Variants in STK32A observed in about 807,000 individuals in gnomAD.
The protein encoded by STK32A is serine/threonine-protein kinase 32A.
Under a neutral mutation model 53.2 loss-of-function variants are expected in STK32A, and 41 were observed. The ratio of observed to expected loss-of-function variants is 0.77; its 90% confidence interval spans 0.60 to 1.00. STK32A has a LOEUF of 1.00. Ranked by LOEUF, STK32A falls within the 50% of genes least tolerant of loss-of-function variation. The pLI is 0.00. For missense variants in STK32A, 458 were observed against 485.8 expected (o/e 0.94, Z 0.54); for synonymous variants, 166 against 162.8 (o/e 1.02, Z -0.15).
chr5:147,380,062 C>G (rs897991598), intron 11 of STK32A, among the ~76,000 whole-genome samples: 1 of 151,992 alleles, frequency 6.6e-6, no homozygotes, highest in African/African-American at 2.4e-5. Context: ...ACTAAAAGGT[C>G]ATCTGCAAGT....
chr5:147,383,178 A>G (rs1408130992), intron 11 of STK32A: 2 of 460,248 alleles, frequency 4.3e-6, no homozygotes, highest in Admixed American at 8.9e-5. Context: ...CAAGCTTTCA[A>G]TAGACTCCAG....
chr5:147,250,396 C>T (rs1753935007), intron 2 of STK32A, among the ~76,000 whole-genome samples: 1 of 152,022 alleles, frequency 6.6e-6, no homozygotes, highest in Non-Finnish European at 1.5e-5. Flanking sequence ...AAGAGGAATC[C>T]TAATATTTAG....
chr5:147,283,325 G>A (rs1178213687), intron 4 of STK32A, among the ~76,000 whole-genome samples: 15 of 151,952 alleles, frequency 9.9e-5, no homozygotes, highest in East Asian at 3.9e-4. Context: ...AGCCCTAAAC[G>A]CCCACATTGA....
chr5:147,362,720 T>C (rs188773031), intron 8 of STK32A, among the ~76,000 whole-genome samples: 1 of 152,296 alleles, frequency 6.6e-6, no homozygotes, highest in Non-Finnish European at 1.5e-5. Context: ...ATCATAGAAA[T>C]TGTGTATGGG....
In STK32A at chr5:147,370,648, C is replaced by T. The variant is rs1756966870; in HGVS notation, c.661-6C>T. The stretch of plus-strand genomic sequence containing the variant: ...ATGAAGACTTTTACTTCTTTTCTCC[C>T]TTAAGAGACCGTATCATATTCGCTC... On this transcript the variant is annotated splice_region_variant and splice_polypyrimidine_tract_variant and intron_variant, in intron 8 of 12. Coordinates refer to ENST00000397936, the MANE Select transcript of STK32A (RefSeq NM_001112724.2). The T allele has an allele frequency of 1.3e-6, 2 of 1,596,576 alleles. No homozygotes were observed. The highest frequency in any genetic ancestry group is 2.2e-5 in the South Asian group (2 of 90,510).
intron 2 of STK32A, among the ~76,000 whole-genome samples, chr5:147,250,859 G>A (rs988824910): frequency 2.7e-5 from 4 of 150,876 alleles, no homozygotes; most frequent in Non-Finnish European, 4.4e-5. Context: ...GGAGAATGGC[G>A]TGAACCCGGG....
At chr5:147,291,421 T>C (rs1752593282) in intron 4 of STK32A, among the ~76,000 whole-genome samples, 1 of 152,142 alleles carries the variant, frequency 6.6e-6, no homozygotes, top group South Asian at 2.1e-4. Flanking sequence ...CCCAAGTCAC[T>C]AATTTATGTA....
At chr5:147,363,973 T>C (rs1756630694) in intron 8 of STK32A, among the ~76,000 whole-genome samples, 1 of 152,116 alleles carries the variant, frequency 6.6e-6, no homozygotes, top group African/African-American at 2.4e-5. Flanking sequence ...CCCAGCACTT[T>C]AGAAGGCTGA....
intron 4 of STK32A, among the ~76,000 whole-genome samples, chr5:147,291,911 C>T (rs1752617846): frequency 6.6e-6 from 1 of 152,074 alleles, no homozygotes; most frequent in African/African-American, 2.4e-5. Context: ...TAATGAATGG[C>T]CATGTACGCA....
chr5:147,384,386 C>A lies in STK32A; in HGVS notation c.*403C>A. 2.0e-6 allele frequency: 3 copies of A among 1,532,004 alleles called. No homozygotes were observed. The highest frequency in any genetic ancestry group is 1.2e-5 in the South Asian group (1 of 83,370). 94.9% of individuals were successfully genotyped at this position (1,532,004 alleles called of 1,614,324 possible). ...TTCTAATTATGCAGTGACAAATGGA[C>A]AAATGGACACAGGACTCAGTGAGAC... On this transcript the variant is annotated 3_prime_UTR_variant, in exon 13 of 13. Coordinates refer to ENST00000397936, the MANE Select transcript of STK32A (RefSeq NM_001112724.2).
chr5:147,330,301 G>C lies in STK32A; in HGVS notation c.434+6230G>C, dbSNP rs547812767. 2.6e-5 allele frequency among the ~76,000 whole-genome samples: 4 copies of C among 152,304 alleles called. No homozygotes were observed. The South Asian group carries it at 8.3e-4, about 32-fold the overall frequency. On this transcript the variant is annotated intron_variant, in intron 5 of 12. Coordinates refer to ENST00000397936, the MANE Select transcript of STK32A (RefSeq NM_001112724.2). ...GGCTACTTTCTTTAAATTTAACAAG[G>C]AGAAGAATACCGTAGAGTAAGTTGG...
chr5:147,395,219 G>A, the STK32A span, among the ~76,000 whole-genome samples: 1 of 152,202 alleles, frequency 6.6e-6, no homozygotes, highest in Admixed American at 6.5e-5. Context: ...AACATACTAT[G>A]TTGCATAGCG....
intron 2 of STK32A, among the ~76,000 whole-genome samples, chr5:147,271,271 G>A (rs1410200538): frequency 6.6e-6 from 1 of 151,822 alleles, no homozygotes; most frequent in African/African-American, 2.4e-5. Context: ...AGATTTAATG[G>A]ACACTTATCA....
chr5:147,350,375 T>G (rs937539978), intron 6 of STK32A, among the ~76,000 whole-genome samples: 14 of 151,964 alleles, frequency 9.2e-5, no homozygotes, highest in African/African-American at 3.1e-4. Context: ...TCTTTTCTTT[T>G]TTTTTTGAGA....
chr5:147,400,862 C>G, the STK32A span: 7 of 1,607,914 alleles, frequency 4.4e-6, no homozygotes, highest in South Asian at 1.1e-5. Flanking sequence ...TCCACATGAA[C>G]AGGGGAGATG....
chr5:147,307,632 A>C (rs1360233771), intron 4 of STK32A, among the ~76,000 whole-genome samples: 1 of 151,304 alleles, frequency 6.6e-6, no homozygotes, highest in Non-Finnish European at 1.5e-5. Flanking sequence ...CTCAAAAAAA[A>C]AAAAAAAAAA....
chr5:147,382,009 A>G (rs564883760), intron 11 of STK32A, among the ~76,000 whole-genome samples: 1 of 151,878 alleles, frequency 6.6e-6, no homozygotes, highest in Non-Finnish European at 1.5e-5. Flanking sequence ...ATGTTTTAAG[A>G]AAGTTTACAA....
chr5:147,353,866 T>C (rs768360590), intron 7 of STK32A, among the ~76,000 whole-genome samples: 2 of 152,146 alleles, frequency 1.3e-5, no homozygotes, highest in African/African-American at 4.8e-5. Context: ...TTTAAACTGG[T>C]GGGATTAAGT....
intron 5 of STK32A, among the ~76,000 whole-genome samples, chr5:147,334,038 C>A (rs1754999885): frequency 6.6e-6 from 1 of 152,046 alleles, no homozygotes; most frequent in South Asian, 2.1e-4. Context: ...ATCAGGAGTG[C>A]TTAATAAATG....
Sources: allele counts gnomAD v4.1 joint callset (sites outside exome capture counted in the v4.1 genomes callset), GRCh38; gene constraint gnomAD v4.1.1; transcripts MANE v1.5; gene names NCBI Gene and HGNC (gene_info 2026-07-23, HGNC 2026-07-21).